The following ADCY1 variants were observed in gnomAD, a reference collection of about 807,000 sequenced individuals.
The protein encoded by ADCY1 is adenylate cyclase type 1.
In ADCY1, 28 loss-of-function variants were observed where a neutral mutation model predicts 105.4. The ratio of observed to expected loss-of-function variants is 0.27; its 90% CI spans 0.20 to 0.36. The LOEUF is 0.36. ADCY1 is among the 10% of genes least tolerant of loss of function. The pLI, the probability that ADCY1 is intolerant of heterozygous loss-of-function variation, is 1.00. For missense variants in ADCY1, 977 were observed against 1,434.2 expected (o/e 0.68, Z 5.15); for synonymous variants, 655 against 623.8 (o/e 1.05, Z -0.75).
intron 3 of ADCY1, among the ~76,000 whole-genome samples, chr7:45,610,799 GGGAGGTGATGGTGGAGGTAT>G (rs1793537173): frequency 2.6e-4 from 5 of 19,218 alleles, no homozygotes; most frequent in East Asian, 1.6e-3. Flanking sequence ...GGTGGAGGTG[GGGAGGTGATGGTGGAGGTAT>G]GGAGGTGATA....
chr7:45,620,714 G>T (rs1057161324), intron 3 of ADCY1, among the ~76,000 whole-genome samples: 6 of 152,194 alleles, frequency 3.9e-5, no homozygotes, highest in Non-Finnish European at 7.3e-5. Context: ...ATCTACAAGG[G>T]ATCTTCAACA....
At chr7:45,676,603 A>G (rs1421349050) in intron 8 of ADCY1, among the ~76,000 whole-genome samples, 1 of 152,118 alleles carries the variant, frequency 6.6e-6, no homozygotes, top group Non-Finnish European at 1.5e-5. Flanking sequence ...GATGCCTGGC[A>G]CCTTGTTACT....
chr7:45,649,398 G>C (rs1230178103), intron 5 of ADCY1, among the ~76,000 whole-genome samples: 1 of 152,224 alleles, frequency 6.6e-6, no homozygotes, highest in Admixed American at 6.5e-5. Context: ...GGAGCTGGAA[G>C]GCTGAGCTAA....
chr7:45,687,291 G>A (rs1297026937), intron 14 of ADCY1, among the ~76,000 whole-genome samples: 1 of 152,148 alleles, frequency 6.6e-6, no homozygotes, highest in Non-Finnish European at 1.5e-5. Flanking sequence ...TCTGTAGGTG[G>A]CTTTCTGTTT....
At chr7:45,660,008 C>G (rs779341168) in intron 6 of ADCY1, 34 bp from the exon 7 acceptor site, 2 of 1,612,794 alleles carry the variant, frequency 1.2e-6, no homozygotes, top group Non-Finnish European at 1.7e-6. Flanking sequence ...CAGTGGTTCC[C>G]CACTCATCTG....
chr7:45,640,861 T>C (rs1243508937), intron 4 of ADCY1, among the ~76,000 whole-genome samples: 3 of 152,226 alleles, frequency 2.0e-5, no homozygotes, highest in African/African-American at 4.8e-5. Flanking sequence ...CAGGGCTAGC[T>C]GGGAGCCTGG....
At chr7:45,624,361 G>A (rs1793992025) in intron 4 of ADCY1, among the ~76,000 whole-genome samples, 1 of 151,632 alleles carries the variant, frequency 6.6e-6, no homozygotes, top group African/African-American at 2.4e-5. Flanking sequence ...GGGAAGGAGG[G>A]TGGGCATGGG....
intron 5 of ADCY1, among the ~76,000 whole-genome samples, chr7:45,652,953 C>G (rs1470377542): frequency 6.6e-6 from 1 of 152,242 alleles, no homozygotes; most frequent in East Asian, 1.9e-4. Context: ...CAGTCTGACC[C>G]TGCCCCCAGC....
chr7:45,649,544 G>T (rs1238275630), intron 5 of ADCY1, among the ~76,000 whole-genome samples: 3 of 152,216 alleles, frequency 2.0e-5, no homozygotes, highest in Non-Finnish European at 4.4e-5. Context: ...ATTTTGTAGG[G>T]AGATGATGGG....
chr7:45,594,566 G>T (rs1562678775), intron 2 of ADCY1, among the ~76,000 whole-genome samples: 1 of 151,988 alleles, frequency 6.6e-6, no homozygotes, highest in Admixed American at 6.6e-5. Context: ...CTACTTCTGT[G>T]TTGGTCTTTT....
intron 2 of ADCY1, among the ~76,000 whole-genome samples, chr7:45,603,677 C>T (rs56035903): frequency 0.18 from 27,983 of 152,096 alleles, 3,273 homozygotes; most frequent in Non-Finnish European, 0.26. Context: ...CCTCATGTTC[C>T]CTTTAAATAG....
At chr7:45,630,181 T>A (rs938698345) in intron 4 of ADCY1, among the ~76,000 whole-genome samples, 1 of 152,218 alleles carries the variant, frequency 6.6e-6, no homozygotes, top group African/African-American at 2.4e-5. Flanking sequence ...AAGTCCTCCA[T>A]CAAATATATG....
At chr7:45,668,301 C>A (rs550087660) in intron 8 of ADCY1, among the ~76,000 whole-genome samples, 1 of 152,260 alleles carries the variant, frequency 6.6e-6, no homozygotes, top group South Asian at 2.1e-4. Flanking sequence ...GAGATACATC[C>A]CATCAATACC....
intron 2 of ADCY1, 112 bp from the exon 3 acceptor site, chr7:45,610,267 C>T (rs1177233011): frequency 1.8e-5 from 16 of 879,936 alleles, no homozygotes; most frequent in Middle Eastern, 3.0e-4. Flanking sequence ...CAGCCCTGGA[C>T]GTGGGCCTAC....
At chr7:45,629,339 C>G (rs1794162099) in intron 4 of ADCY1, among the ~76,000 whole-genome samples, 1 of 152,110 alleles carries the variant, frequency 6.6e-6, no homozygotes, top group Non-Finnish European at 1.5e-5. Flanking sequence ...TGTACTGAAG[C>G]TTGTCTGTTT....
intron 6 of ADCY1, among the ~76,000 whole-genome samples, chr7:45,659,527 T>C (rs751766266): frequency 5.3e-5 from 8 of 152,128 alleles, no homozygotes; most frequent in Admixed American, 3.9e-4. Context: ...TGGGGAGGCG[T>C]GAATGCCTGG....
intron 8 of ADCY1, among the ~76,000 whole-genome samples, chr7:45,665,752 T>G (rs1276929534): frequency 6.6e-6 from 1 of 152,180 alleles, no homozygotes; most frequent in Non-Finnish European, 1.5e-5. Flanking sequence ...TTGGAGTCAT[T>G]TCTAAGTGGC....
At chr7:45,643,148 G>C (rs1395000725) in intron 4 of ADCY1, among the ~76,000 whole-genome samples, 6 of 145,222 alleles carry the variant, frequency 4.1e-5, no homozygotes, top group African/African-American at 1.5e-4. Flanking sequence ...AGTCACCTCT[G>C]AGCAGCATCT....
At chr7:45,675,397 G>C (rs555608965) in intron 8 of ADCY1, among the ~76,000 whole-genome samples, 1 of 152,150 alleles carries the variant, frequency 6.6e-6, no homozygotes, top group South Asian at 2.1e-4. Flanking sequence ...GGTTCAACCA[G>C]AAAACATGTA....
Sources: allele counts gnomAD v4.1 joint callset (sites outside exome capture counted in the v4.1 genomes callset), GRCh38; gene constraint gnomAD v4.1.1; transcripts MANE v1.5; gene names NCBI Gene and HGNC (gene_info 2026-07-23, HGNC 2026-07-21).